MDGA2: variants seen among roughly 807,000 people sequenced by gnomAD.
The protein encoded by MDGA2 is MAM domain-containing glycosylphosphatidylinositol anchor protein 2.
In MDGA2, 40 loss-of-function variants were observed where a neutral mutation model predicts 117.8. The observed-to-expected ratio is 0.34, with a 90% CI of 0.26 to 0.44. The LOEUF is 0.44. Ranked by LOEUF, MDGA2 falls within the 20% of genes least tolerant of loss-of-function variation. The pLI is 1.00. For synonymous variants in MDGA2, 452 were observed against 439.0 expected (o/e 1.03, Z -0.37); for missense variants, 1,123 against 1,250.6 (o/e 0.90, Z 1.54).
At chr14:47,529,917 C>A (rs893281599) in intron 1 of MDGA2, among the ~76,000 whole-genome samples, 3 of 152,146 alleles carry the variant, frequency 2.0e-5, no homozygotes, top group Non-Finnish European at 4.4e-5. Context: ...TGTAGGGAGA[C>A]CCCCTGAAAC....
chr14:47,518,582 T>G (rs921128349), intron 1 of MDGA2, among the ~76,000 whole-genome samples: 1 of 152,234 alleles, frequency 6.6e-6, no homozygotes, highest in Non-Finnish European at 1.5e-5. Context: ...AAAAACATTT[T>G]GTTATTTTAT....
At chr14:47,417,857 G>A (rs1437394335) in intron 1 of MDGA2, among the ~76,000 whole-genome samples, 1 of 151,950 alleles carries the variant, frequency 6.6e-6, no homozygotes, top group African/African-American at 2.4e-5. Context: ...GGGACTACAG[G>A]TGCACATTAC....
At chr14:47,198,561 G>T (rs1051451518) in intron 3 of MDGA2, among the ~76,000 whole-genome samples, 1 of 151,898 alleles carries the variant, frequency 6.6e-6, no homozygotes, top group Non-Finnish European at 1.5e-5. Flanking sequence ...GACAGAGCGA[G>T]ACTCCGTCTC....
chr14:47,464,691 T>C (rs1893563408), intron 1 of MDGA2, among the ~76,000 whole-genome samples: 2 of 152,092 alleles, frequency 1.3e-5, no homozygotes, highest in South Asian at 2.1e-4. Context: ...ATGACACAAA[T>C]TGAAAAACAT....
At chr14:47,288,487 C>T (rs1044931705) in intron 2 of MDGA2, among the ~76,000 whole-genome samples, 3 of 152,116 alleles carry the variant, frequency 2.0e-5, no homozygotes, top group Admixed American at 2.0e-4. Flanking sequence ...ATGAAATCCA[C>T]CAGTGAAGGC....
intron 1 of MDGA2, among the ~76,000 whole-genome samples, chr14:47,599,104 C>T (rs1048436337): frequency 1.3e-5 from 2 of 151,756 alleles, no homozygotes; most frequent in African/African-American, 4.8e-5. Context: ...ATCTCCTAAA[C>T]TAGATACTAA....
chr14:47,420,011 TA>T (rs1219132772), intron 1 of MDGA2, among the ~76,000 whole-genome samples: 2 of 152,076 alleles, frequency 1.3e-5, no homozygotes, highest in Non-Finnish European at 2.9e-5. Context: ...TCCAAGTAAT[TA>T]AAACGATTGT....
chr14:47,135,497 A>G (rs552425860), intron 4 of MDGA2, among the ~76,000 whole-genome samples: 224 of 152,284 alleles, frequency 1.5e-3, no homozygotes, highest in African/African-American at 5.2e-3. Flanking sequence ...ATTATAGGAC[A>G]TACTTAAATT....
At chr14:47,245,332 G>T (rs1045664270) in intron 2 of MDGA2, among the ~76,000 whole-genome samples, 2 of 151,732 alleles carry the variant, frequency 1.3e-5, no homozygotes, top group Non-Finnish European at 2.9e-5. Context: ...TACTTTATTG[G>T]ATATAATACA....
At chr14:47,261,636 A>C (rs1887798989) in intron 2 of MDGA2, among the ~76,000 whole-genome samples, 1 of 152,132 alleles carries the variant, frequency 6.6e-6, no homozygotes, top group African/African-American at 2.4e-5. Context: ...TTTAGGAAGA[A>C]ATCTCACTTC....
At position 47,644,326 on chromosome 14, in the gene MDGA2, T is replaced by C. The variant is rs1015122730; in HGVS notation, c.280+30191A>G. On this transcript the variant is annotated intron_variant, in intron 1 of 16. Coordinates refer to ENST00000399232, the MANE Select transcript of MDGA2 (RefSeq NM_001113498.3). The stretch of plus-strand genomic sequence containing the variant: ...CTTATAAGATCAACCTAAGTGTCCA[T>C]GGATGGACAAAATGGATAAAGAAAA... Among the ~76,000 whole-genome samples, 26 of 152,170 alleles carry C rather than the reference T, an allele frequency of 1.7e-4. 1 individual carries two copies. The highest frequency in any genetic ancestry group is 5.9e-5 in the Non-Finnish European group (4 of 68,022).
At chr14:47,347,348 A>G (rs1329087225) in intron 1 of MDGA2, among the ~76,000 whole-genome samples, 1 of 152,226 alleles carries the variant, frequency 6.6e-6, no homozygotes, top group East Asian at 1.9e-4. Context: ...TATGTACTTT[A>G]GAAAAAGGCA....
chr14:46,888,423 T>A (rs1395599117), intron 10 of MDGA2, among the ~76,000 whole-genome samples: 1 of 152,082 alleles, frequency 6.6e-6, no homozygotes, highest in East Asian at 1.9e-4. Flanking sequence ...ATTTTAAAAA[T>A]CCATTTAATT....
chr14:47,486,181 A>G (rs764046680), intron 1 of MDGA2, among the ~76,000 whole-genome samples: 2 of 152,192 alleles, frequency 1.3e-5, no homozygotes, highest in Non-Finnish European at 2.9e-5. Context: ...GCTGACCAAG[A>G]CTATGGGAAT....
At chr14:47,075,364 G>C (rs1370669004) in intron 6 of MDGA2, among the ~76,000 whole-genome samples, 1 of 152,128 alleles carries the variant, frequency 6.6e-6, no homozygotes, top group African/African-American at 2.4e-5. Context: ...ACTTAGGTTG[G>C]TGACATGGAA....
intron 1 of MDGA2, among the ~76,000 whole-genome samples, chr14:47,566,504 C>G (rs967476923): frequency 6.6e-6 from 1 of 152,182 alleles, no homozygotes; most frequent in Non-Finnish European, 1.5e-5. Flanking sequence ...CTCCCTGGCA[C>G]ATGTTCCCAC....
intron 1 of MDGA2, among the ~76,000 whole-genome samples, chr14:47,424,358 G>T: frequency 6.6e-6 from 1 of 151,586 alleles, no homozygotes; most frequent in African/African-American, 2.4e-5. Flanking sequence ...GGGAGATGCA[G>T]GCTACAGTGA....
chr14:47,312,368 C>G (rs1391997411), intron 1 of MDGA2, among the ~76,000 whole-genome samples: 1 of 152,124 alleles, frequency 6.6e-6, no homozygotes, highest in Non-Finnish European at 1.5e-5. Flanking sequence ...TCCACAAGCA[C>G]TTTTACCATT....
chr14:47,458,527 G>A (rs2138586450), intron 1 of MDGA2, among the ~76,000 whole-genome samples: 1 of 152,230 alleles, frequency 6.6e-6, no homozygotes, highest in Middle Eastern at 3.4e-3. Context: ...GAGAGATGTT[G>A]GTGAAGGGGT....
Sources: gnomAD v4.1 joint callset for allele counts (sites outside exome capture counted in the v4.1 genomes callset) on GRCh38, gnomAD v4.1.1 for gene constraint, MANE v1.5 for transcripts, NCBI Gene and HGNC (gene_info 2026-07-23, HGNC 2026-07-21) for gene names.